Variants in SORT1 observed in about 807,000 individuals in gnomAD.
The protein encoded by SORT1 is sortilin 1.
SORT1 carries 39 observed loss-of-function variants against 101.7 expected under a neutral mutation model. The observed-to-expected ratio is 0.38, with a 90% confidence interval of 0.30 to 0.50. SORT1 has a LOEUF of 0.50. Ranked by LOEUF, SORT1 falls within the 20% of genes least tolerant of loss-of-function variation. The pLI is 0.90. For synonymous variants in SORT1, 396 were observed against 393.7 expected (o/e 1.01, Z -0.07); for missense variants, 878 against 1,040.4 (o/e 0.84, Z 2.15).
chr1:109,315,498 C>T (rs564978880), intron 17 of SORT1, among the ~76,000 whole-genome samples: 1 of 152,142 alleles, frequency 6.6e-6, no homozygotes, highest in Non-Finnish European at 1.5e-5. Context: ...TACACACACT[C>T]ACACACTCCT....
At position 109,313,780 on chromosome 1, in the gene SORT1, G is replaced by A; in HGVS notation, c.*263C>T. On this transcript the variant is annotated 3_prime_UTR_variant, in exon 20 of 20. Coordinates refer to ENST00000256637, the MANE Select transcript of SORT1 (RefSeq NM_002959.7). The stretch of plus-strand genomic sequence containing the variant: ...ACAAAAACAAAAAAGCCCATACTTT[G>A]CAAAGAGACAGGACGAGAAATAAGA... 1 of 520,178 alleles carries A rather than the reference G, an allele frequency of 1.9e-6. No homozygotes were observed. Among genetic ancestry groups the A allele is most frequent in the Non-Finnish European group, 3.4e-6 (1 of 296,498 alleles). The allele number at this position is 520,178 out of a possible 1,614,324, so 32.2% of individuals were successfully genotyped here. A position where few individuals can be genotyped will look rare whatever the true frequency, so the allele number is the denominator to read the frequency against.
In SORT1 at chr1:109,397,889, C is replaced by G. The variant is rs1254223179; in HGVS notation, c.4G>C (p.Glu2Gln). The G allele has an allele frequency of 8.6e-7, 1 of 1,167,102 alleles. No individual in the cohort carries two copies. Among genetic ancestry groups the G allele is most frequent in the Non-Finnish European group, 1.1e-6 (1 of 947,034 alleles). The allele number at this position is 1,167,102 out of a possible 1,614,324, so 72.3% of individuals were successfully genotyped here. The change falls in exon 1 of 20, where the codon GAG becomes CAG. Residue 2 changes from glutamate (E) to glutamine (Q), a missense_variant. Physicochemically the swap from Glu to Gln is conservative, Grantham distance 29. Transcript: ENST00000256637. ...CCGTCCGCAGCTCCCCAGGGCCGCT[C>G]CATCGCCGCCGAATGCCGCCGACGC... Reference protein sequence around the residue: MERPWGAADGLS... With the variant: MQRPWGAADGLS...
chr1:109,329,565 A>G (rs1648320499), intron 11 of SORT1, among the ~76,000 whole-genome samples: 1 of 152,188 alleles, frequency 6.6e-6, no homozygotes, highest in African/African-American at 2.4e-5. Flanking sequence ...GGGTGGCTAT[A>G]TTTATATCAG....
At chr1:109,335,691 C>T (rs1430327888) in intron 11 of SORT1, among the ~76,000 whole-genome samples, 1 of 152,008 alleles carries the variant, frequency 6.6e-6, no homozygotes, top group Non-Finnish European at 1.5e-5. Flanking sequence ...CAAGGCCTGT[C>T]ACTCCAGGCT....
chr1:109,327,903 T>A (rs1416863613), intron 11 of SORT1, among the ~76,000 whole-genome samples: 2 of 152,250 alleles, frequency 1.3e-5, no homozygotes, highest in East Asian at 1.9e-4. Flanking sequence ...GTGTTTTCTA[T>A]GATTTTTACC....
At chr1:109,340,913 T>C in intron 9 of SORT1, 34 bp from the exon 10 acceptor site, 1 of 1,569,780 alleles carries the variant, frequency 6.4e-7, no homozygotes, top group Non-Finnish European at 8.7e-7. Context: ...ATACTAAGTC[T>C]TGGGTGGAAC....
intron 1 of SORT1, among the ~76,000 whole-genome samples, chr1:109,387,860 G>C (rs1285753086): frequency 6.6e-6 from 1 of 152,102 alleles, no homozygotes; most frequent in Non-Finnish European, 1.5e-5. Context: ...CTGAGGCAGA[G>C]AACTGCTTGA....
At chr1:109,378,752 AT>A (rs1652035721) in intron 1 of SORT1, among the ~76,000 whole-genome samples, 4 of 77,452 alleles carry the variant, frequency 5.2e-5, no homozygotes, top group African/African-American at 1.9e-4. Flanking sequence ...ATATATATAT[AT>A]ATATATATAA....
chr1:109,381,952 G>GTGCA lies in SORT1; in HGVS notation c.307-12367_307-12364dup, dbSNP rs57100650. Among the ~76,000 whole-genome samples the GTGCA allele has an allele frequency of 4.3e-3, 646 of 152,000 alleles. 7 individuals are homozygous for GTGCA. Among genetic ancestry groups the GTGCA allele is most frequent in the African/African-American group, 0.014 (591 of 41,434 alleles). On this transcript the variant is annotated intron_variant, in intron 1 of 19. Coordinates refer to ENST00000256637, the MANE Select transcript of SORT1 (RefSeq NM_002959.7). ...AAGTGGTATTATAGAATTGATAGGG[G>GTGCA]TGCACTCTTCTTTATAGTTTTTCTA... is the stretch of plus-strand genomic sequence containing the variant.
chr1:109,347,434 C>T, intron 7 of SORT1, 49 bp downstream of exon 7: 1 of 1,325,292 alleles, frequency 7.5e-7, no homozygotes, highest in South Asian at 1.2e-5. Flanking sequence ...GAAAATTCTA[C>T]CATGAATGGA....
At chr1:109,353,646 G>C (rs979701176) in intron 5 of SORT1, among the ~76,000 whole-genome samples, 1 of 152,156 alleles carries the variant, frequency 6.6e-6, no homozygotes, top group Non-Finnish European at 1.5e-5. Context: ...TCTGGGTTTG[G>C]GCAAAGGGAT....
intron 3 of SORT1, among the ~76,000 whole-genome samples, chr1:109,363,006 TA>T: frequency 6.6e-6 from 1 of 152,144 alleles, no homozygotes; most frequent in Non-Finnish European, 1.5e-5. Flanking sequence ...GTTATCCTTT[TA>T]AAAAAATCTC....
At position 109,386,149 on chromosome 1, in the gene SORT1, A is replaced by C. The variant is rs558403633; in HGVS notation, c.306+11438T>G. Among the ~76,000 whole-genome samples, 6 of 152,370 alleles carry C rather than the reference A, an allele frequency of 3.9e-5. No homozygotes were observed. The South Asian group carries it at 1.2e-3, about 32-fold the overall frequency. ...TTAAGTAATTTGCTCAAAGTCAAAA[A>C]GTTGGTAAGTGGCAGAGCAAGGTTT... On this transcript the variant is annotated intron_variant, in intron 1 of 19. Coordinates refer to ENST00000256637, the MANE Select transcript of SORT1 (RefSeq NM_002959.7).
chr1:109,374,070 C>T (rs1467109425), intron 1 of SORT1, among the ~76,000 whole-genome samples: 1 of 152,060 alleles, frequency 6.6e-6, no homozygotes, highest in Non-Finnish European at 1.5e-5. Flanking sequence ...GCCTGAGCAA[C>T]AGAGCAAGAC....
At chr1:109,341,100 A>G (rs1340566597) in intron 9 of SORT1, among the ~76,000 whole-genome samples, 3 of 152,228 alleles carry the variant, frequency 2.0e-5, no homozygotes, top group African/African-American at 7.2e-5. Flanking sequence ...AATATGGCAG[A>G]TGCTGAGTTT....
At chr1:109,390,752 A>AGTGTGTGTGTGTGT (rs749381586) in intron 1 of SORT1, among the ~76,000 whole-genome samples, 22 of 144,506 alleles carry the variant, frequency 1.5e-4, no homozygotes, top group African/African-American at 6.0e-4. Context: ...AATATTAGAA[A>AGTGTGTGTGTGTGT]GTGTGTGTGT....
chr1:109,355,480 GA>G lies in SORT1; in HGVS notation c.441-12del. The stretch of plus-strand genomic sequence containing the variant: ...TTCCCATAATCCTCACTGAGAGGAA[GA>G]AAAAAAGGGCAAATTTAGGGTGCAG... On this transcript the variant is annotated splice_polypyrimidine_tract_variant and intron_variant, in intron 3 of 19. Coordinates refer to ENST00000256637, the MANE Select transcript of SORT1 (RefSeq NM_002959.7). 1 of 1,311,890 alleles carries G rather than the reference GA, an allele frequency of 7.6e-7. No homozygotes were observed. The highest frequency in any genetic ancestry group is 1.1e-6 in the Non-Finnish European group (1 of 906,742). The allele number at this position is 1,311,890 out of a possible 1,614,324, so 81.3% of individuals were successfully genotyped here. A position where few individuals can be genotyped will look rare whatever the true frequency, so the allele number is the denominator to read the frequency against.
At chr1:109,370,963 A>G (rs1651450415) in intron 1 of SORT1, among the ~76,000 whole-genome samples, 1 of 152,172 alleles carries the variant, frequency 6.6e-6, no homozygotes, top group South Asian at 2.1e-4. Context: ...AGAACTCAAA[A>G]CATGAACTGT....
intron 1 of SORT1, among the ~76,000 whole-genome samples, chr1:109,379,948 C>T (rs1252726622): frequency 2.6e-5 from 4 of 151,992 alleles, no homozygotes; most frequent in Non-Finnish European, 2.9e-5. Flanking sequence ...CCATATAGGG[C>T]GAAGATTTAA....
Sources: allele counts gnomAD v4.1 joint callset (sites outside exome capture counted in the v4.1 genomes callset), GRCh38; gene constraint gnomAD v4.1.1; transcripts MANE v1.5; gene names NCBI Gene and HGNC (gene_info 2026-07-23, HGNC 2026-07-21).